Variants in TRPC5 observed in about 807,000 individuals in gnomAD.
TRPC5 encodes the protein short transient receptor potential channel 5.
In TRPC5, 9 loss-of-function variants were observed where a neutral mutation model predicts 56.5. The observed-to-expected ratio is 0.16, with a 90% CI of 0.10 to 0.28. TRPC5 has a LOEUF of 0.28. TRPC5 is among the 10% of genes least tolerant of loss of function. TRPC5 has a pLI of 1.00. For synonymous variants in TRPC5, 282 were observed against 278.5 expected, an observed-to-expected ratio of 1.01 and a Z score of -0.13; for missense variants, 469 against 748.9, an observed-to-expected ratio of 0.63 and a Z score of 4.36.
chrX:111,989,751 T>C (rs1928303545), intron 1 of TRPC5, among the ~76,000 whole-genome samples: 1 of 112,279 alleles, frequency 8.9e-6, no homozygotes, highest in Admixed American at 9.5e-5. Flanking sequence ...CACAGTGGAA[T>C]ACTGAACTGC....
intron 3 of TRPC5, chrX:111,902,975 G>A (rs184285125): frequency 2.4e-4 from 27 of 111,913 alleles, no homozygotes; most frequent in Admixed American, 2.0e-3. Flanking sequence ...ATTCACCAAT[G>A]GAAAGACAAA....
intron 1 of TRPC5, among the ~76,000 whole-genome samples, chrX:112,014,031 A>G (rs1929057988): frequency 8.9e-6 from 1 of 112,197 alleles, no homozygotes; most frequent in Non-Finnish European, 1.9e-5. Context: ...GGGTTGCCTG[A>G]GAGAATGTTA....
At chrX:111,888,643 G>A (rs1381482966) in intron 3 of TRPC5, among the ~76,000 whole-genome samples, 2 of 90,216 alleles carry the variant, frequency 2.2e-5, no homozygotes, top group Non-Finnish European at 4.2e-5. Context: ...GTGGTGAGCT[G>A]AGATCATGCC....
At chrX:111,862,868 G>A (rs185884464) in intron 3 of TRPC5, among the ~76,000 whole-genome samples, 1 of 111,434 alleles carries the variant, frequency 9.0e-6, no homozygotes, top group South Asian at 3.7e-4. Context: ...GTGTTTTCTG[G>A]TTTTTTTCAG....
In TRPC5 at chrX:111,776,620, A is replaced by G. The variant is rs1466867108; in HGVS notation, c.2615T>C (p.Val872Ala). The G allele has an allele frequency of 1.7e-6, 2 of 1,212,002 alleles. No homozygotes were observed. Among genetic ancestry groups the G allele is most frequent in the Non-Finnish European group, 2.2e-6 (2 of 895,589 alleles). The change falls in exon 11 of 11, where the codon GTT (valine) becomes GCT (alanine). Residue 872 changes from valine (V) to alanine (A), a missense_variant. Physicochemically the swap from Val to Ala is moderately conservative, Grantham distance 64. Coordinates refer to ENST00000262839, the MANE Select transcript of TRPC5 (RefSeq NM_012471.3). ...GTCCTGCCACATACAGTGCTGCTGA[A>G]CAATTCCATCAGAAATTGTGTACAT... ...EPMYTISDGI[V>A]QQHCMWQDIR...
intron 1 of TRPC5, among the ~76,000 whole-genome samples, chrX:111,997,510 G>C (rs187909062): frequency 1.6e-3 from 179 of 110,834 alleles, no homozygotes; most frequent in African/African-American, 5.2e-3. Flanking sequence ...GTGTTCTCTG[G>C]ATTTCCTGAA....
In TRPC5 at chrX:111,772,281, A is replaced by G. The variant is rs1436857162; in HGVS notation, c.*4032T>C. Among the ~76,000 whole-genome samples, 4 of 111,909 alleles carry G rather than the reference A, an allele frequency of 3.6e-5. No homozygotes were observed. The highest frequency in any genetic ancestry group is 9.7e-5 in the African/African-American group (3 of 30,813). ...CTAAAATATCCTTAGTTTTGAGGCA[A>G]AGCTGCAGGGATTGAAGGTAGGGCT... On this transcript the variant is annotated 3_prime_UTR_variant, in exon 11 of 11. Coordinates refer to ENST00000262839, the MANE Select transcript of TRPC5 (RefSeq NM_012471.3).
chrX:111,777,743 C>T, intron 10 of TRPC5, among the ~76,000 whole-genome samples: 1 of 112,095 alleles, frequency 8.9e-6, no homozygotes, highest in Non-Finnish European at 1.9e-5. Context: ...CTATGCTGTT[C>T]TCTCTGTCTA....
At chrX:112,015,618 G>A (rs779812450) in intron 1 of TRPC5, among the ~76,000 whole-genome samples, 1 of 111,327 alleles carries the variant, frequency 9.0e-6, no homozygotes, top group East Asian at 2.8e-4. Flanking sequence ...CGCGTCATCC[G>A]GTGCCCCTTA....
intron 1 of TRPC5, among the ~76,000 whole-genome samples, chrX:111,967,572 A>G (rs931856444): frequency 3.6e-5 from 4 of 112,052 alleles, no homozygotes; most frequent in Non-Finnish European, 7.5e-5. Flanking sequence ...ACTTCAAACT[A>G]TACTACAAGG....
chrX:111,934,980 T>C lies in TRPC5; in HGVS notation c.378+17063A>G, dbSNP rs192214693. 4.7e-3 allele frequency among the ~76,000 whole-genome samples: 528 copies of C among 112,266 alleles called. 3 individuals carry two copies. The highest frequency in any genetic ancestry group is 0.018 in the Middle Eastern group (4 of 217). On this transcript the variant is annotated intron_variant, in intron 2 of 10. Coordinates refer to ENST00000262839, the MANE Select transcript of TRPC5 (RefSeq NM_012471.3). Reference sequence around the variant, plus strand: ...GTACTGATTTCCTTTCTTTTGGACATATACCTAGCAGTGAGAATCCTGGAT... The same window carrying C: ...GTACTGATTTCCTTTCTTTTGGACACATACCTAGCAGTGAGAATCCTGGAT...
intron 2 of TRPC5, among the ~76,000 whole-genome samples, chrX:111,951,162 A>T (rs1397330017): frequency 1.8e-5 from 2 of 112,130 alleles, no homozygotes; most frequent in African/African-American, 6.5e-5. Context: ...ACTTGATTGT[A>T]CATGAGAATC....
intron 1 of TRPC5, among the ~76,000 whole-genome samples, chrX:111,962,796 C>T (rs1471952235): frequency 2.7e-5 from 3 of 112,007 alleles, no homozygotes; most frequent in African/African-American, 6.5e-5. Flanking sequence ...AAGAGTCAAT[C>T]GATGTGGCAA....
chrX:111,927,694 A>G (rs774204828), intron 2 of TRPC5, among the ~76,000 whole-genome samples: 24 of 111,551 alleles, frequency 2.2e-4, no homozygotes, highest in Middle Eastern at 4.6e-3. Context: ...GTCAGTGGAC[A>G]TGTATCTCAT....
intron 3 of TRPC5, among the ~76,000 whole-genome samples, chrX:111,855,853 A>C (rs1356715555): frequency 8.9e-6 from 1 of 112,337 alleles, no homozygotes; most frequent in Non-Finnish European, 1.9e-5. Context: ...CAGTCTACTG[A>C]GGGAAACAGA....
chrX:111,901,985 G>A (rs1925370392), intron 3 of TRPC5: 1 of 1,155,634 alleles, frequency 8.7e-7, no homozygotes, highest in Non-Finnish European at 1.1e-6. Flanking sequence ...AAATGGTAGA[G>A]CAGAAGAGAC....
chrX:111,957,610 T>C (rs1012113206), intron 1 of TRPC5, among the ~76,000 whole-genome samples: 1 of 111,800 alleles, frequency 8.9e-6, no homozygotes, highest in East Asian at 2.8e-4. Context: ...CACCAGAGTC[T>C]ACATTCCTGA....
intron 1 of TRPC5, among the ~76,000 whole-genome samples, chrX:112,077,484 G>A (rs1280990941): frequency 9.0e-6 from 1 of 111,686 alleles, no homozygotes; most frequent in Non-Finnish European, 1.9e-5. Context: ...GAATCACTGG[G>A]GATCTTCATA....
At chrX:111,888,693 C>CAAAAAAAAAAAAAAAAAAAAAAAAA (rs753735549) in intron 3 of TRPC5, among the ~76,000 whole-genome samples, 1 of 10,985 alleles carries the variant, frequency 9.1e-5, no homozygotes, top group Admixed American at 1.5e-3. Context: ...GACTCTATCT[C>CAAAAAAAAAAAAAAAAAAAAAAAAA]AAAAAAAAAA....
Sources: allele counts gnomAD v4.1 joint callset (sites outside exome capture counted in the v4.1 genomes callset), GRCh38; gene constraint gnomAD v4.1.1; transcripts MANE v1.5; gene names NCBI Gene and HGNC (gene_info 2026-07-23, HGNC 2026-07-21).